The following LUZP2 variants were observed in gnomAD, a reference collection of about 807,000 sequenced individuals.
LUZP2 encodes leucine zipper protein 2.
A neutral mutation model predicts 51.6 loss-of-function variants in LUZP2; 52 were observed. The observed-to-expected ratio is 1.01, with a 90% CI of 0.81 to 1.27. The LOEUF is 1.27. Ranked by LOEUF, LUZP2 falls within the 50% of genes most tolerant of loss-of-function variation. The pLI is 0.00. For synonymous variants in LUZP2, 154 were observed against 137.3 expected, an observed-to-expected ratio of 1.12 and a Z score of -0.85; for missense variants, 436 against 395.4, an observed-to-expected ratio of 1.10 and a Z score of -0.87.
chr11:24,962,813 G>A (rs558425954), intron 7 of LUZP2, among the ~76,000 whole-genome samples: 29 of 152,338 alleles, frequency 1.9e-4, no homozygotes, highest in African/African-American at 4.3e-4. Flanking sequence ...GAGGAACTGC[G>A]TTCCTTTGGA....
chr11:24,654,903 G>A (rs545169560), intron 1 of LUZP2, among the ~76,000 whole-genome samples: 2 of 151,712 alleles, frequency 1.3e-5, no homozygotes, highest in Non-Finnish European at 2.9e-5. Context: ...AAAAAATAAA[G>A]ATGTTCCTTG....
At chr11:24,684,011 T>C (rs1856825353) in intron 1 of LUZP2, among the ~76,000 whole-genome samples, 1 of 152,176 alleles carries the variant, frequency 6.6e-6, no homozygotes, top group African/African-American at 2.4e-5. Flanking sequence ...TATATCAAAA[T>C]ATTAGTCAAA....
intron 5 of LUZP2, among the ~76,000 whole-genome samples, chr11:24,774,370 A>G (rs368211801): frequency 2.4e-5 from 1 of 42,412 alleles, no homozygotes. Flanking sequence ...CTCTATATAT[A>G]TATATATATA....
In LUZP2 at chr11:24,933,024, T is replaced by C. The variant is rs115072116; in HGVS notation, c.522+18486T>C. Among the ~76,000 whole-genome samples, 490 of 152,234 alleles carry C rather than the reference T, an allele frequency of 3.2e-3. 3 individuals carry two copies. The highest frequency in any genetic ancestry group is 0.011 in the African/African-American group (452 of 41,542). On this transcript the variant is annotated intron_variant, in intron 7 of 11. Transcript: ENST00000336930. ...TGCTTCCCCTACCCCTATATTTCAC[T>C]CAGCTCACTAAATTTGTCTCAGCTC... is the stretch of plus-strand genomic sequence containing the variant.
chr11:24,514,511 C>T (rs753160019), intron 1 of LUZP2, among the ~76,000 whole-genome samples: 6 of 152,214 alleles, frequency 3.9e-5, no homozygotes, highest in South Asian at 2.1e-4. Flanking sequence ...ATAATAAGAT[C>T]GTGCCTCTCC....
intron 1 of LUZP2, among the ~76,000 whole-genome samples, chr11:24,697,943 C>T (rs1210266497): frequency 6.6e-6 from 1 of 152,116 alleles, no homozygotes; most frequent in Non-Finnish European, 1.5e-5. Context: ...TGACCCCCAC[C>T]CAGAAGCTGA....
At chr11:24,993,486 T>C (rs1029357861) in intron 9 of LUZP2, among the ~76,000 whole-genome samples, 1 of 152,150 alleles carries the variant, frequency 6.6e-6, no homozygotes, top group African/African-American at 2.4e-5. Context: ...TAAAACATGC[T>C]CTCATTTGCT....
chr11:24,922,916 T>G (rs1854111917), intron 7 of LUZP2, among the ~76,000 whole-genome samples: 1 of 132,538 alleles, frequency 7.5e-6, no homozygotes, highest in African/African-American at 2.7e-5. Context: ...TGGCACGATC[T>G]CGGCTTACTG....
chr11:24,857,312 T>TACAC (rs34365598), intron 5 of LUZP2, among the ~76,000 whole-genome samples: 13 of 133,214 alleles, frequency 9.8e-5, no homozygotes, highest in African/African-American at 3.6e-4. Context: ...TACATATATA[T>TACAC]ACACACACAC....
At chr11:24,936,635 C>T (rs903514903) in intron 7 of LUZP2, among the ~76,000 whole-genome samples, 10 of 151,820 alleles carry the variant, frequency 6.6e-5, no homozygotes, top group African/African-American at 2.2e-4. Flanking sequence ...GCCACAGAGA[C>T]GCCAGCCCTC....
intron 4 of LUZP2, among the ~76,000 whole-genome samples, chr11:24,757,606 C>T (rs1489339889): frequency 6.6e-6 from 1 of 151,658 alleles, no homozygotes; most frequent in East Asian, 1.9e-4. Context: ...ATTATAAAGA[C>T]TAGACAAAAA....
intron 4 of LUZP2, among the ~76,000 whole-genome samples, chr11:24,741,922 T>TTATAAA (rs1859168717): frequency 5.6e-5 from 1 of 18,004 alleles, no homozygotes; most frequent in East Asian, 4.0e-3. Flanking sequence ...ATATATACAT[T>TTATAAA]TATATATTAT....
chr11:25,078,625 A>T lies in LUZP2; in HGVS notation c.1008A>T (p.Glu336Asp), dbSNP rs889372694. The T allele has an allele frequency of 6.2e-7, 1 of 1,610,262 alleles. No individual in the cohort carries two copies. The highest frequency in any genetic ancestry group is 1.1e-5 in the South Asian group (1 of 90,194). The change falls in exon 12 of 12, where the codon GAA becomes GAT. Residue 336 changes from glutamate to aspartate, a missense_variant. Coordinates refer to ENST00000336930, the MANE Select transcript of LUZP2 (RefSeq NM_001009909.4). ...KAPEKPLTSF[E>D]GMAAREEKIL is the part of the protein sequence containing the mutation. ...CAGAAAAACCATTGACCAGCTTTGA[A>T]GGGATGGCAGCTAGAGAAGAAAAAA...
chr11:24,874,667 C>T (rs1246421302), intron 5 of LUZP2, among the ~76,000 whole-genome samples: 1 of 152,122 alleles, frequency 6.6e-6, no homozygotes, highest in African/African-American at 2.4e-5. Flanking sequence ...GCCTTGGAAA[C>T]AACACAAGAG....
intron 1 of LUZP2, among the ~76,000 whole-genome samples, chr11:24,572,006 T>TA (rs1237351066): frequency 5.3e-5 from 8 of 151,980 alleles, no homozygotes; most frequent in Non-Finnish European, 1.0e-4. Context: ...AAAAATTATG[T>TA]ACATTTTCAC....
intron 9 of LUZP2, among the ~76,000 whole-genome samples, chr11:24,995,445 G>GA (rs1465700865): frequency 6.6e-6 from 1 of 151,928 alleles, no homozygotes; most frequent in Non-Finnish European, 1.5e-5. Context: ...ATGAAATTGA[G>GA]AAAAAATGCT....
At chr11:24,523,197 C>G (rs1023677929) in intron 1 of LUZP2, among the ~76,000 whole-genome samples, 1 of 151,948 alleles carries the variant, frequency 6.6e-6, no homozygotes, top group Admixed American at 6.6e-5. Flanking sequence ...TATAAGAAAT[C>G]TAAATGTTCT....
rs1858446049 is a variant in LUZP2 at position 25,050,102 on chromosome 11, C to A, written c.830C>A (p.Pro277Gln). The A allele has an allele frequency of 6.2e-7, 1 of 1,600,064 alleles. No individual in the cohort carries two copies. ...GTTGAGTCAACAAAGGAAGGAAATCCAAGTACCACTGCCTGTGACTCTCAA... is the reference window on the plus strand; with the variant it reads ...GTTGAGTCAACAAAGGAAGGAAATCAAAGTACCACTGCCTGTGACTCTCAA... ...SQVESTKEGN[P>Q]STTACDSQDE... The change falls in exon 10 of 12, where the codon CCA (proline) becomes CAA (glutamine). Residue 277 changes from proline (P) to glutamine (Q), a missense_variant. By Grantham distance (76) the Pro-to-Gln change is moderately conservative. Transcript: ENST00000336930.
intron 7 of LUZP2, among the ~76,000 whole-genome samples, chr11:24,914,865 A>G (rs987106653): frequency 6.6e-6 from 1 of 152,160 alleles, no homozygotes; most frequent in South Asian, 2.1e-4. Flanking sequence ...GGACTTTTGA[A>G]TCTTTTAAAT....
Sources: gnomAD v4.1 joint callset for allele counts (sites outside exome capture counted in the v4.1 genomes callset) on GRCh38, gnomAD v4.1.1 for gene constraint, MANE v1.5 for transcripts, NCBI Gene and HGNC (gene_info 2026-07-23, HGNC 2026-07-21) for gene names.